Variants in KANK1 observed in about 807,000 individuals in gnomAD.
The protein encoded by KANK1 is KN motif and ankyrin repeat domain-containing protein 1.
A neutral mutation model predicts 106.2 loss-of-function variants in KANK1; 109 were observed. The ratio of observed to expected loss-of-function variants is 1.03; its 90% CI spans 0.88 to 1.20. The LOEUF is 1.20. Ranked by LOEUF, KANK1 falls within the 50% of genes most tolerant of loss-of-function variation. The pLI is 0.00. For synonymous variants in KANK1, 873 were observed against 652.2 expected (o/e 1.34, Z -5.16); for missense variants, 2,399 against 1,710.7 (o/e 1.40, Z -7.10).
At chr9:692,661 C>T (rs1042307384) in intron 2 of KANK1, among the ~76,000 whole-genome samples, 1 of 151,426 alleles carries the variant, frequency 6.6e-6, no homozygotes, top group Non-Finnish European at 1.5e-5. Flanking sequence ...TAAAAATTCT[C>T]TTGAGGTTTA....
chr9:625,982 C>G (rs570621970), intron 1 of KANK1, among the ~76,000 whole-genome samples: 13 of 152,214 alleles, frequency 8.5e-5, no homozygotes, highest in Non-Finnish European at 1.8e-4. Context: ...ATTCAACTTT[C>G]TGGACCTCCC....
intron 1 of KANK1, among the ~76,000 whole-genome samples, chr9:586,522 C>T (rs964288021): frequency 6.6e-6 from 1 of 152,018 alleles, no homozygotes; most frequent in Non-Finnish European, 1.5e-5. Flanking sequence ...AAGGTAATGA[C>T]GAGAGAGATG....
intron 3 of KANK1, among the ~76,000 whole-genome samples, chr9:483,946 T>C (rs115692329): frequency 6.6e-6 from 1 of 152,226 alleles, no homozygotes; most frequent in African/African-American, 2.4e-5. Flanking sequence ...AGATACCCCA[T>C]AAAAGGGCTT....
chr9:568,848 G>C (rs1389987303), intron 1 of KANK1, among the ~76,000 whole-genome samples: 1 of 152,154 alleles, frequency 6.6e-6, no homozygotes, highest in Non-Finnish European at 1.5e-5. Flanking sequence ...TTACAGGTCA[G>C]AAGTCACATT....
upstream of KANK1, among the ~76,000 whole-genome samples, chr9:502,679 C>T (rs1346057527): frequency 4.6e-5 from 7 of 152,146 alleles, no homozygotes; most frequent in African/African-American, 9.6e-5. Flanking sequence ...CACGTCACCA[C>T]GCCCAGCGAA....
chr9:706,224 T>C (rs1241894441), intron 2 of KANK1, among the ~76,000 whole-genome samples: 2 of 152,208 alleles, frequency 1.3e-5, no homozygotes, highest in African/African-American at 4.8e-5. Flanking sequence ...TGAGCAGTAT[T>C]AGGAAATAAG....
intron 1 of KANK1, among the ~76,000 whole-genome samples, chr9:606,653 A>C (rs955934923): frequency 6.7e-6 from 1 of 150,316 alleles, no homozygotes; most frequent in Non-Finnish European, 1.5e-5. Flanking sequence ...ATATATATAT[A>C]TGTTTAGAAA....
intron 1 of KANK1, among the ~76,000 whole-genome samples, chr9:641,121 G>A (rs1322177361): frequency 2.0e-5 from 3 of 152,156 alleles, no homozygotes; most frequent in African/African-American, 7.2e-5. Flanking sequence ...ATTTATACCA[G>A]TGATATACTT....
At chr9:633,648 A>C (rs12056972) in intron 1 of KANK1, among the ~76,000 whole-genome samples, 22,546 of 151,940 alleles carry the variant, frequency 0.15, 1,839 homozygotes, top group Admixed American at 0.17. Context: ...TACTGTTTAA[A>C]TATGTTTTAT....
At chr9:679,910 T>A (rs1341599419) in intron 2 of KANK1, among the ~76,000 whole-genome samples, 1 of 152,036 alleles carries the variant, frequency 6.6e-6, no homozygotes, top group Non-Finnish European at 1.5e-5. Flanking sequence ...AGGAAACACC[T>A]CTCCAATGTT....
At chr9:635,926 C>T (rs1194458942) in intron 1 of KANK1, among the ~76,000 whole-genome samples, 1 of 151,964 alleles carries the variant, frequency 6.6e-6, no homozygotes, top group African/African-American at 2.4e-5. Context: ...CCACCTGCAT[C>T]AGCCTCCCAA....
intron 3 of KANK1, chr9:487,917 A>C (rs2058320343): frequency 6.6e-6 from 1 of 152,146 alleles, no homozygotes; most frequent in African/African-American, 2.4e-5. Flanking sequence ...CCAGTTTTCT[A>C]TTTAAAATTC....
intron 1 of KANK1, among the ~76,000 whole-genome samples, chr9:665,022 T>G (rs1844248685): frequency 6.6e-6 from 1 of 152,198 alleles, no homozygotes; most frequent in African/African-American, 2.4e-5. Flanking sequence ...ATTAATGACT[T>G]TTTGCTATTG....
chr9:490,958 C>CTTT lies in KANK1; in HGVS notation c.-362+17702_-362+17704dup, dbSNP rs758168904. Among the ~76,000 whole-genome samples, 124 of 116,322 alleles carry CTTT rather than the reference C, an allele frequency of 1.1e-3. 1 individual carries two copies. Among genetic ancestry groups the CTTT allele is most frequent in the African/African-American group, 3.4e-3 (100 of 29,818 alleles). 76.3% of individuals were successfully genotyped at this position (116,322 alleles called of 152,430 possible). A position where few individuals can be genotyped will look rare whatever the true frequency, so the allele number is the denominator to read the frequency against. On this transcript the variant is annotated intron_variant, in intron 3 of 15. Coordinates refer to the KANK1 transcript ENST00000382303. ...GAGACTATGTGAAGGGCTAAAGTGG[C>CTTT]TTTTTTTTTTTTTTTTTTTGAGACA... is the stretch of plus-strand genomic sequence containing the variant.
At chr9:741,310 G>A (rs1835427586) in intron 9 of KANK1, among the ~76,000 whole-genome samples, 1 of 150,080 alleles carries the variant, frequency 6.7e-6, no homozygotes, top group South Asian at 2.1e-4. Flanking sequence ...AGGTCCAGAT[G>A]TGTTCACAGC....
intron 1 of KANK1, among the ~76,000 whole-genome samples, chr9:664,133 A>T (rs1844015004): frequency 6.6e-6 from 1 of 152,004 alleles, no homozygotes; most frequent in African/African-American, 2.4e-5. Context: ...ATTAATGTTA[A>T]CTGTAGTTGT....
intron 1 of KANK1, among the ~76,000 whole-genome samples, chr9:671,433 C>T (rs1845878679): frequency 6.6e-6 from 1 of 151,382 alleles, no homozygotes; most frequent in South Asian, 2.1e-4. Flanking sequence ...ATCACAAGGT[C>T]AGGAGATCAA....
At chr9:658,911 C>A (rs952819058) in intron 1 of KANK1, among the ~76,000 whole-genome samples, 3 of 152,036 alleles carry the variant, frequency 2.0e-5, no homozygotes, top group Non-Finnish European at 4.4e-5. Context: ...ATGTTGTTTC[C>A]GTGGAAAGAC....
intron 1 of KANK1, among the ~76,000 whole-genome samples, chr9:537,927 G>T (rs2060387808): frequency 6.6e-6 from 1 of 152,168 alleles, no homozygotes; most frequent in South Asian, 2.1e-4. Flanking sequence ...TAATTTCTTT[G>T]AGGATAGGGT....
Sources: gnomAD v4.1 joint callset for allele counts (sites outside exome capture counted in the v4.1 genomes callset) on GRCh38, gnomAD v4.1.1 for gene constraint, MANE v1.5 for transcripts, NCBI Gene and HGNC (gene_info 2026-07-23, HGNC 2026-07-21) for gene names.